The following ZNF565 variants were observed in gnomAD, a reference collection of about 807,000 sequenced individuals.
ZNF565 encodes the protein zinc finger protein 565.
In ZNF565, 27 loss-of-function variants were observed where a neutral mutation model predicts 39.4. The ratio of observed to expected loss-of-function variants is 0.69; its 90% CI spans 0.51 to 0.95. The LOEUF is 0.95. Ranked by LOEUF, ZNF565 falls within the 40% of genes least tolerant of loss-of-function variation. ZNF565 has a pLI of 0.00. For synonymous variants in ZNF565, 185 were observed against 216.6 expected (o/e 0.85, Z 1.28); for missense variants, 524 against 621.1 (o/e 0.84, Z 1.66).
chr19:36,193,274 C>A (rs148369446), intron 4 of ZNF565, among the ~76,000 whole-genome samples: 1 of 151,530 alleles, frequency 6.6e-6, no homozygotes. Flanking sequence ...TGAGCCACCA[C>A]GTCTGGCCAA....
intron 3 of ZNF565, 46 bp downstream of exon 3, chr19:36,194,984 C>T (rs1192873614): frequency 3.7e-6 from 6 of 1,614,018 alleles, no homozygotes; most frequent in Non-Finnish European, 5.1e-6. Flanking sequence ...GTTGTAGTCC[C>T]TGTTGCCTTG....
At chr19:36,192,242 C>G (rs1975584952) in intron 4 of ZNF565, among the ~76,000 whole-genome samples, 1 of 151,098 alleles carries the variant, frequency 6.6e-6, no homozygotes, top group Non-Finnish European at 1.5e-5. Flanking sequence ...CCGCCTTGGC[C>G]TCCCAAAGTG....
intron 1 of ZNF565, 29 bp from the exon 2 acceptor site, chr19:36,202,079 G>A: frequency 7.6e-7 from 1 of 1,318,638 alleles, no homozygotes; most frequent in Non-Finnish European, 1.1e-6. Flanking sequence ...GGGAGATGGG[G>A]TAACCTCTGA....
intron 1 of ZNF565, among the ~76,000 whole-genome samples, chr19:36,222,774 G>T (rs1316801939): frequency 2.0e-5 from 2 of 102,484 alleles, no homozygotes; most frequent in Non-Finnish European, 4.0e-5. Flanking sequence ...GAAATGAGTG[G>T]TGGCTTTTTT....
At chr19:36,240,369 C>G (rs536697173) in intron 1 of ZNF565, among the ~76,000 whole-genome samples, 1 of 152,010 alleles carries the variant, frequency 6.6e-6, no homozygotes, top group Non-Finnish European at 1.5e-5. Flanking sequence ...TGCAGTCAGC[C>G]GTGATTGCAC....
Position 36,230,009 on chromosome 19 carries a change from C to T in ZNF565, c.55+15467G>A, listed in dbSNP as rs190399300. On this transcript the variant is annotated intron_variant, in intron 1 of 4. Transcript: ENST00000355114. ...TGCTGGGATTACAGGTTTGAGCCACCGCGCCTGGCTAACGCATAATTTAAC... is the reference window on the plus strand; with the variant it reads ...TGCTGGGATTACAGGTTTGAGCCACTGCGCCTGGCTAACGCATAATTTAAC... Among the ~76,000 whole-genome samples the T allele has an allele frequency of 8.5e-5, 13 of 152,336 alleles. No individual in the cohort carries two copies. The East Asian group carries it at 1.7e-3, about 20-fold the overall frequency.
At chr19:36,190,576 C>CAAAAAAAAAAAATT (rs1975496799) in intron 4 of ZNF565, among the ~76,000 whole-genome samples, 1 of 97,362 alleles carries the variant, frequency 1.0e-5, no homozygotes, top group Non-Finnish European at 2.1e-5. Context: ...AACTCCATCT[C>CAAAAAAAAAAAATT]AAAAAAAAAA....
chr19:36,200,717 G>A (rs1286154318), intron 2 of ZNF565, among the ~76,000 whole-genome samples: 1 of 150,858 alleles, frequency 6.6e-6, no homozygotes, highest in East Asian at 2.0e-4. Context: ...TTGATCTCTT[G>A]ACCTCGTGAT....
At chr19:36,190,358 C>T (rs1257843998) in intron 4 of ZNF565, among the ~76,000 whole-genome samples, 1 of 151,038 alleles carries the variant, frequency 6.6e-6, no homozygotes, top group Non-Finnish European at 1.5e-5. Context: ...GGGTGGATCA[C>T]CTGAGGTCGG....
intron 1 of ZNF565, among the ~76,000 whole-genome samples, chr19:36,226,936 A>G (rs1373392300): frequency 6.6e-6 from 1 of 152,038 alleles, no homozygotes; most frequent in Non-Finnish European, 1.5e-5. Context: ...ATAAAAAATT[A>G]GTGGGGCATG....
intron 4 of ZNF565, among the ~76,000 whole-genome samples, chr19:36,187,202 A>G (rs1280395889): frequency 6.6e-6 from 1 of 152,092 alleles, no homozygotes; most frequent in African/African-American, 2.4e-5. Context: ...AAAAAAAAAA[A>G]ATAGACTTTA....
At position 36,182,626 on chromosome 19, in the gene ZNF565, T is replaced by A; in HGVS notation, c.1340A>T (p.Tyr447Phe). The change falls in exon 5 of 5, where the codon TAT becomes TTT. Residue 447 changes from tyrosine to phenylalanine, a missense_variant. Tyr to Phe is a conservative substitution (Grantham distance 22). Transcript: ENST00000304116. ...GGCCATTCCACACTCCCTGCATTCA[T>A]AGGGTTTCTCACAAGTGTGAATTCG... Reference protein sequence around the residue: ...HQRIHTCEKPYECRECGMAFI... With the variant: ...HQRIHTCEKPFECRECGMAFI... 1 of 1,614,148 alleles carries A rather than the reference T, an allele frequency of 6.2e-7. No individual in the cohort carries two copies. The highest frequency in any genetic ancestry group is 8.5e-7 in the Non-Finnish European group (1 of 1,179,976).
chr19:36,233,252 G>T (rs1282083732), intron 1 of ZNF565, among the ~76,000 whole-genome samples: 2 of 152,084 alleles, frequency 1.3e-5, no homozygotes, highest in Non-Finnish European at 2.9e-5. Flanking sequence ...GGTGATGCAT[G>T]CCTGTAATCC....
chr19:36,236,842 A>G (rs1977661269), intron 1 of ZNF565: 1 of 1,614,008 alleles, frequency 6.2e-7, no homozygotes, highest in African/African-American at 1.3e-5. Context: ...AGGAGTGTGG[A>G]AAAACCTTCA....
intron 4 of ZNF565, among the ~76,000 whole-genome samples, chr19:36,191,414 A>G (rs997060907): frequency 2.0e-5 from 3 of 150,638 alleles, no homozygotes; most frequent in African/African-American, 7.3e-5. Context: ...TGCCTCCTGA[A>G]CCATTTTTCA....
upstream of ZNF565, among the ~76,000 whole-genome samples, chr19:36,215,954 C>T (rs1266321407): frequency 6.6e-6 from 1 of 152,054 alleles, no homozygotes; most frequent in African/African-American, 2.4e-5. Context: ...CTTAATGAGT[C>T]GAGGCGTTCT....
intron 4 of ZNF565, among the ~76,000 whole-genome samples, chr19:36,193,589 T>C (rs6510527): frequency 0.65 from 97,902 of 151,056 alleles, 32,109 homozygotes; most frequent in African/African-American, 0.75. Flanking sequence ...TACAGGCGCC[T>C]ACCACCACAC....
intron 2 of ZNF565, among the ~76,000 whole-genome samples, chr19:36,195,598 G>A (rs1454615108): frequency 7.0e-6 from 1 of 143,086 alleles, no homozygotes; most frequent in African/African-American, 2.6e-5. Context: ...AGGCTAGAGT[G>A]CAATGGCACG....
At chr19:36,227,083 CA>C (rs758318352) in intron 1 of ZNF565, among the ~76,000 whole-genome samples, 225 of 141,152 alleles carry the variant, frequency 1.6e-3, no homozygotes, top group African/African-American at 4.6e-3. Context: ...AACTCCATCT[CA>C]AAAAAAAAAA....
Sources: allele counts gnomAD v4.1 joint callset (sites outside exome capture counted in the v4.1 genomes callset), GRCh38; gene constraint gnomAD v4.1.1; transcripts MANE v1.5; gene names NCBI Gene and HGNC (gene_info 2026-07-23, HGNC 2026-07-21).